ROCK2: variants seen among roughly 807,000 people sequenced by gnomAD.
ROCK2 encodes rho-associated protein kinase 2.
ROCK2 carries 61 observed loss-of-function variants against 195.1 expected under a neutral mutation model. The observed-to-expected ratio is 0.31, with a 90% CI of 0.25 to 0.39. The LOEUF (loss-of-function observed/expected upper bound fraction) is 0.39, where lower values mean the gene tolerates loss of function less well. Ranked by LOEUF, ROCK2 falls within the 10% of genes least tolerant of loss-of-function variation. The pLI, the probability that ROCK2 is intolerant of heterozygous loss-of-function variation, is 1.00. For synonymous variants in ROCK2, 504 were observed against 545.5 expected (o/e 0.92, Z 1.06); for missense variants, 1,109 against 1,637.4 (o/e 0.68, Z 5.57).
intron 12 of ROCK2, 58 bp downstream of exon 12, chr2:11,217,032 C>G: frequency 4.5e-5 from 38 of 841,686 alleles, no homozygotes; most frequent in East Asian, 6.0e-5. Context: ...GCTCTTTTTT[C>G]AGTAAATGTT....
intron 7 of ROCK2, among the ~76,000 whole-genome samples, chr2:11,223,360 C>A (rs1486541912): frequency 1.3e-5 from 2 of 152,130 alleles, no homozygotes; most frequent in Admixed American, 6.6e-5. Flanking sequence ...ACTGCTGTAA[C>A]TTCTCTGGGG....
intron 1 of ROCK2, among the ~76,000 whole-genome samples, chr2:11,314,395 G>A (rs1236933426): frequency 6.6e-6 from 1 of 151,236 alleles, no homozygotes; most frequent in South Asian, 2.1e-4. Flanking sequence ...ACACAGTACT[G>A]TTAAAGGTAT....
At chr2:11,250,763 A>G (rs1296687112) in intron 3 of ROCK2, among the ~76,000 whole-genome samples, 4 of 152,138 alleles carry the variant, frequency 2.6e-5, no homozygotes, top group Non-Finnish European at 5.9e-5. Flanking sequence ...GAATCCAACC[A>G]TTTCTAACTA....
chr2:11,205,597 A>ATTT (rs11376737), intron 20 of ROCK2, among the ~76,000 whole-genome samples: 2 of 142,350 alleles, frequency 1.4e-5, no homozygotes, highest in Admixed American at 7.0e-5. Flanking sequence ...CATTGCATGT[A>ATTT]TTTTTTTTTT....
In ROCK2 at chr2:11,286,669, TATCA is replaced by T. The variant is rs545481599; in HGVS notation, c.224-34_224-31del. ...CATAAAAAGATCACCATACTTATAA[TATCA>T]ATCATATTTATATTTTTACATAATC... is the stretch of plus-strand genomic sequence containing the variant. On this transcript the variant is annotated intron_variant, in intron 2 of 32. Coordinates refer to ENST00000315872, the MANE Select transcript of ROCK2 (RefSeq NM_004850.5). 190 of 1,107,786 alleles carry T rather than the reference TATCA, an allele frequency of 1.7e-4. 1 individual carries two copies. Among genetic ancestry groups the T allele is most frequent in the Non-Finnish European group, 2.3e-4 (175 of 748,356 alleles). 68.6% of individuals were successfully genotyped at this position (1,107,786 alleles called of 1,614,324 possible). A position where few individuals can be genotyped will look rare whatever the true frequency, so the allele number is the denominator to read the frequency against.
In ROCK2 at chr2:11,215,391, A is replaced by G; in HGVS notation, c.1619T>C (p.Leu540Pro). The change falls in exon 15 of 33, where the codon CTT becomes CCT. Residue 540 changes from leucine (L) to proline (P), a missense_variant. Leu to Pro is a moderately conservative substitution (Grantham distance 98). Coordinates refer to ENST00000315872, the MANE Select transcript of ROCK2 (RefSeq NM_004850.5). ...TTGATTTCTTTTTTTCAAATCTTCA[A>G]GTTGATCTTTTAAGCTGTTAACTAT... ...ENDVNSLKDQ[L>P]EDLKKRNQNS... 6.2e-7 allele frequency: 1 copy of G among 1,608,622 alleles called. No homozygotes were observed. Among genetic ancestry groups the G allele is most frequent in the African/African-American group, 1.3e-5 (1 of 74,826 alleles).
chr2:11,295,987 AGAG>A (rs1409727352), intron 1 of ROCK2, among the ~76,000 whole-genome samples: 48 of 37,802 alleles, frequency 1.3e-3, no homozygotes, highest in South Asian at 2.6e-3. Context: ...AGAGAGAGAG[AGAG>A]GAGAGAGAGA....
chr2:11,341,366 T>G (rs1669100621), intron 1 of ROCK2, among the ~76,000 whole-genome samples: 1 of 152,208 alleles, frequency 6.6e-6, no homozygotes, highest in African/African-American at 2.4e-5. Flanking sequence ...AAAACCATTT[T>G]CCTTTGAAAA....
At chr2:11,243,727 G>C (rs185963493) in intron 4 of ROCK2, among the ~76,000 whole-genome samples, 14 of 152,294 alleles carry the variant, frequency 9.2e-5, no homozygotes, top group Non-Finnish European at 1.8e-4. Context: ...TCACAGCCAA[G>C]AAGAGCCCAG....
chr2:11,256,290 C>G (rs1228902716), intron 3 of ROCK2, among the ~76,000 whole-genome samples: 1 of 151,080 alleles, frequency 6.6e-6, no homozygotes, highest in Non-Finnish European at 1.5e-5. Flanking sequence ...GAGGGACTTC[C>G]CCCTTGTTGT....
intron 1 of ROCK2, among the ~76,000 whole-genome samples, chr2:11,292,405 A>G (rs1667390241): frequency 6.6e-6 from 1 of 152,210 alleles, no homozygotes; most frequent in Non-Finnish European, 1.5e-5. Flanking sequence ...TACCTACATT[A>G]GTAGGCACAG....
chr2:11,263,057 G>A (rs189538508), intron 3 of ROCK2, among the ~76,000 whole-genome samples: 1 of 152,208 alleles, frequency 6.6e-6, no homozygotes, highest in Admixed American at 6.5e-5. Context: ...CATGTTGAGA[G>A]ATAATTTTTG....
At position 11,198,680 on chromosome 2, in the gene ROCK2, C is replaced by T. The variant is rs778671602; in HGVS notation, c.3004+1G>A. On this transcript the variant is annotated splice_donor_variant, in intron 24 of 32. Transcript: ENST00000315872. LOFTEE classifies it high-confidence loss of function. ...AATAAACATTTTTTGTTAATACATA[C>T]GCTCTTGAACATCTTTCAATTTGTT... 1.3e-6 allele frequency: 2 copies of T among 1,595,782 alleles called. No homozygotes were observed. The highest frequency in any genetic ancestry group is 2.3e-5 in the South Asian group (2 of 88,870).
intron 18 of ROCK2, among the ~76,000 whole-genome samples, chr2:11,209,722 C>A (rs1473811787): frequency 6.6e-6 from 1 of 152,112 alleles, no homozygotes; most frequent in Non-Finnish European, 1.5e-5. Context: ...AATTAAGGCT[C>A]CTCTGCTTTT....
At chr2:11,214,124 C>T (rs920495544) in intron 17 of ROCK2, among the ~76,000 whole-genome samples, 3 of 152,144 alleles carry the variant, frequency 2.0e-5, no homozygotes, top group African/African-American at 7.2e-5. Flanking sequence ...ATTATCTACA[C>T]TCCAGGATGG....
intron 4 of ROCK2, among the ~76,000 whole-genome samples, chr2:11,249,227 C>T (rs1665741660): frequency 6.6e-6 from 1 of 152,054 alleles, no homozygotes; most frequent in African/African-American, 2.4e-5. Flanking sequence ...AATGATTATA[C>T]TTTAAGTTCT....
chr2:11,315,469 TA>T (rs143973958), intron 1 of ROCK2, among the ~76,000 whole-genome samples: 7,058 of 150,982 alleles, frequency 0.047, 282 homozygotes, highest in Non-Finnish European at 0.06. Context: ...ATAAAACTAG[TA>T]AAAAAAAACA....
chr2:11,214,478 G>T lies in ROCK2; in HGVS notation c.1937-15C>A, dbSNP rs770243410. 1.4e-6 allele frequency: 2 copies of T among 1,446,954 alleles called. No individual in the cohort carries two copies. Among genetic ancestry groups the T allele is most frequent in the South Asian group, 1.2e-5 (1 of 84,120 alleles). 89.6% of individuals were successfully genotyped at this position (1,446,954 alleles called of 1,614,324 possible). On this transcript the variant is annotated splice_polypyrimidine_tract_variant and intron_variant, in intron 16 of 32. Coordinates refer to ENST00000315872, the MANE Select transcript of ROCK2 (RefSeq NM_004850.5). ...ACATATTCTACCTAAAAATTGCAAC[G>T]TTTTTTTAAAACATTAAACCCACAA...
intron 17 of ROCK2, among the ~76,000 whole-genome samples, chr2:11,212,922 T>A (rs1664298803): frequency 1.3e-5 from 2 of 152,188 alleles, no homozygotes; most frequent in African/African-American, 4.8e-5. Context: ...ATAGGTACCC[T>A]CAAACTTAAG....
Sources: gnomAD v4.1 joint callset for allele counts (sites outside exome capture counted in the v4.1 genomes callset) on GRCh38, gnomAD v4.1.1 for gene constraint, MANE v1.5 for transcripts, NCBI Gene and HGNC (gene_info 2026-07-23, HGNC 2026-07-21) for gene names.